Variants in AKAP6 observed in about 807,000 individuals in gnomAD.
AKAP6 encodes A-kinase anchor protein 6.
AKAP6 carries 58 observed loss-of-function variants against 188.5 expected under a neutral mutation model. The ratio of observed to expected loss-of-function variants is 0.31; its 90% confidence interval spans 0.25 to 0.38. The LOEUF (loss-of-function observed/expected upper bound fraction) is 0.38, where lower values mean the gene tolerates loss of function less well. Among genes scored for constraint, AKAP6 ranks in the 10% least tolerant of loss-of-function variants. AKAP6 has a pLI of 1.00. For missense variants in AKAP6, 2,710 were observed against 2,740.0 expected, an observed-to-expected ratio of 0.99 and a Z score of 0.24; for synonymous variants, 989 against 998.6, an observed-to-expected ratio of 0.99 and a Z score of 0.18.
At chr14:32,363,854 T>A (rs1290055118) in intron 1 of AKAP6, among the ~76,000 whole-genome samples, 2 of 152,198 alleles carry the variant, frequency 1.3e-5, no homozygotes, top group Admixed American at 6.5e-5. Context: ...CAAGGTGCCA[T>A]CTGAGCTTCA....
At chr14:32,566,654 G>A (rs1276783325) in intron 4 of AKAP6, among the ~76,000 whole-genome samples, 12 of 151,880 alleles carry the variant, frequency 7.9e-5, no homozygotes, top group Admixed American at 2.0e-4. Flanking sequence ...CATGGAGTTC[G>A]AACAAAAAAA....
intron 2 of AKAP6, among the ~76,000 whole-genome samples, chr14:32,436,272 T>C (rs1890374443): frequency 1.3e-5 from 2 of 152,250 alleles, no homozygotes; most frequent in Non-Finnish European, 1.5e-5. Context: ...CTAATTTATA[T>C]GTTCATCTCA....
intron 11 of AKAP6, among the ~76,000 whole-genome samples, chr14:32,744,818 C>G (rs2031828037): frequency 6.6e-6 from 1 of 151,954 alleles, no homozygotes; most frequent in South Asian, 2.1e-4. Context: ...TTTCTGTTGT[C>G]TCCTCTGACT....
chr14:32,710,969 T>G (rs143220604), intron 9 of AKAP6, among the ~76,000 whole-genome samples: 1 of 152,120 alleles, frequency 6.6e-6, no homozygotes, highest in East Asian at 1.9e-4. Flanking sequence ...TAGAGTTGAG[T>G]AGCATGAACA....
intron 9 of AKAP6, among the ~76,000 whole-genome samples, chr14:32,714,433 G>A (rs2030070792): frequency 6.6e-6 from 1 of 151,834 alleles, no homozygotes. Flanking sequence ...AAGTATGCCT[G>A]TATTTTTTTT....
chr14:32,801,315 T>C (rs965791889), intron 12 of AKAP6, among the ~76,000 whole-genome samples: 3 of 152,198 alleles, frequency 2.0e-5, no homozygotes, highest in Non-Finnish European at 4.4e-5. Flanking sequence ...TTAAAAAATT[T>C]AGAGGTTATC....
At chr14:32,590,941 G>T (rs10149307) in intron 5 of AKAP6, among the ~76,000 whole-genome samples, 5,187 of 152,258 alleles carry the variant, frequency 0.034, 230 homozygotes, top group African/African-American at 0.11. Context: ...CATGAAACAT[G>T]TGGGAGTTGG....
At chr14:32,490,887 C>T (rs1879978386) in intron 2 of AKAP6, among the ~76,000 whole-genome samples, 1 of 152,094 alleles carries the variant, frequency 6.6e-6, no homozygotes, top group Non-Finnish European at 1.5e-5. Context: ...AAGGAAATAT[C>T]AAGAAATAAT....
At position 32,822,602 on chromosome 14, in the gene AKAP6, G is replaced by T. The variant is rs1438094171; in HGVS notation, c.4789G>T (p.Glu1597Ter). 1.2e-6 allele frequency: 2 copies of T among 1,613,976 alleles called. No individual in the cohort carries two copies. The highest frequency in any genetic ancestry group is 8.5e-7 in the Non-Finnish European group (1 of 1,179,950). Residue 1597 changes from glutamate to a stop codon, truncating the protein, a stop_gained, in exon 13 of 14, where the codon GAA (glutamate) becomes TAA (stop). Transcript: ENST00000280979. LOFTEE classifies it high-confidence loss of function. ...CAGCCTCCAGCGAAGCACTTCTTTAGAAAGTTGGTTGACTTCCTATAAAAG... is the reference window on the plus strand; with the variant it reads ...CAGCCTCCAGCGAAGCACTTCTTTATAAAGTTGGTTGACTTCCTATAAAAG... Reference protein sequence around the residue: ...SDSLQRSTSLESWLTSYKSNE... With the variant: ...SDSLQRSTSL
intron 2 of AKAP6, among the ~76,000 whole-genome samples, chr14:32,435,414 A>T (rs557554301): frequency 4.6e-5 from 7 of 152,320 alleles, no homozygotes; most frequent in African/African-American, 1.4e-4. Flanking sequence ...GGAAGTGAAA[A>T]TTTAAATTTT....
At chr14:32,473,169 T>C (rs1275301702) in intron 2 of AKAP6, among the ~76,000 whole-genome samples, 1 of 152,228 alleles carries the variant, frequency 6.6e-6, no homozygotes, top group Admixed American at 6.5e-5. Context: ...GAAGCAATAC[T>C]TATAACATAG....
intron 2 of AKAP6, among the ~76,000 whole-genome samples, chr14:32,500,435 A>T (rs1456367997): frequency 6.6e-6 from 1 of 152,178 alleles, no homozygotes; most frequent in Admixed American, 6.6e-5. Flanking sequence ...TGAACCAATG[A>T]TCACTTCCTA....
intron 5 of AKAP6, among the ~76,000 whole-genome samples, chr14:32,598,428 T>G (rs114332315): frequency 5.5e-4 from 84 of 152,262 alleles, no homozygotes; most frequent in African/African-American, 1.9e-3. Context: ...ATCACAGAGA[T>G]GGAAAAATCT....
Position 32,424,326 on chromosome 14 carries a change from A to G in AKAP6, c.-34-9134A>G, listed in dbSNP as rs538970704. ...GTAGCTTAATCTGTTTCTTGGCCCCATCAAGCTTCCTGTTCCCTTCAACAC... is the reference window on the plus strand; with the variant it reads ...GTAGCTTAATCTGTTTCTTGGCCCCGTCAAGCTTCCTGTTCCCTTCAACAC... On this transcript the variant is annotated intron_variant, in intron 1 of 13. Coordinates refer to ENST00000280979, the MANE Select transcript of AKAP6 (RefSeq NM_004274.5). Among the ~76,000 whole-genome samples, 371 of 151,812 alleles carry G rather than the reference A, an allele frequency of 2.4e-3. 2 individuals are homozygous for G. Among genetic ancestry groups the G allele is most frequent in the African/African-American group, 8.1e-3 (336 of 41,384 alleles).
intron 12 of AKAP6, among the ~76,000 whole-genome samples, chr14:32,793,431 G>A (rs879601683): frequency 2.5e-4 from 38 of 151,646 alleles, no homozygotes; most frequent in Non-Finnish European, 3.7e-4. Context: ...ATAAAGAAGG[G>A]CATTATATAA....
chr14:32,443,820 C>T (rs879367688), intron 2 of AKAP6, among the ~76,000 whole-genome samples: 2 of 152,156 alleles, frequency 1.3e-5, no homozygotes, highest in Admixed American at 1.3e-4. Flanking sequence ...TCTTATGCTG[C>T]CCATCTATGG....
chr14:32,429,484 A>G (rs909947951), intron 1 of AKAP6, among the ~76,000 whole-genome samples: 5 of 152,236 alleles, frequency 3.3e-5, no homozygotes, highest in Admixed American at 6.5e-5. Context: ...TTTTGTTAAA[A>G]TCAGAAAAAG....
intron 2 of AKAP6, among the ~76,000 whole-genome samples, chr14:32,470,326 G>C (rs1263212750): frequency 2.0e-5 from 3 of 152,126 alleles, no homozygotes; most frequent in Admixed American, 6.6e-5. Context: ...GGCATTTCTT[G>C]TATCCCACCC....
chr14:32,423,986 C>A (rs1889945292), intron 1 of AKAP6, among the ~76,000 whole-genome samples: 1 of 152,070 alleles, frequency 6.6e-6, no homozygotes, highest in African/African-American at 2.4e-5. Flanking sequence ...ATCCAAAAGT[C>A]AAACTTGTAT....
Sources: allele counts gnomAD v4.1 joint callset (sites outside exome capture counted in the v4.1 genomes callset), GRCh38; gene constraint gnomAD v4.1.1; transcripts MANE v1.5; gene names NCBI Gene and HGNC (gene_info 2026-07-23, HGNC 2026-07-21).